DPYD: variants seen among roughly 807,000 people sequenced by gnomAD.
DPYD encodes the protein dihydropyrimidine dehydrogenase [NADP(+)].
Under a neutral mutation model 116.2 loss-of-function variants are expected in DPYD, and 109 were observed. The ratio of observed to expected loss-of-function variants is 0.94; its 90% CI spans 0.80 to 1.10. The LOEUF is 1.10. Ranked by LOEUF, DPYD falls within the 50% of genes least tolerant of loss-of-function variation. The pLI is 0.00. For missense variants in DPYD, 1,302 were observed against 1,254.5 expected, an observed-to-expected ratio of 1.04 and a Z score of -0.57; for synonymous variants, 440 against 432.0, an observed-to-expected ratio of 1.02 and a Z score of -0.23.
intron 20 of DPYD, among the ~76,000 whole-genome samples, chr1:97,181,983 A>T (rs908233126): frequency 1.3e-5 from 2 of 152,094 alleles, no homozygotes; most frequent in Admixed American, 1.3e-4. Flanking sequence ...CTTTACATAA[A>T]TGGAGGATTG....
chr1:97,136,857 A>G (rs761542209), intron 20 of DPYD, among the ~76,000 whole-genome samples: 10 of 152,202 alleles, frequency 6.6e-5, no homozygotes, highest in South Asian at 2.1e-4. Context: ...TTTCAATGCC[A>G]TCCTTGACAC....
chr1:97,460,058 A>G (rs1372898248), intron 13 of DPYD, among the ~76,000 whole-genome samples: 1 of 152,144 alleles, frequency 6.6e-6, no homozygotes, highest in Non-Finnish European at 1.5e-5. Context: ...GTGAAATGAG[A>G]AAAAGGTATT....
chr1:97,314,256 C>T (rs1314157295), intron 16 of DPYD, among the ~76,000 whole-genome samples: 1 of 151,880 alleles, frequency 6.6e-6, no homozygotes, highest in Admixed American at 6.6e-5. Context: ...GACCCTGACC[C>T]TGCCTCAACT....
chr1:97,349,225 C>G (rs1466248995), intron 16 of DPYD, among the ~76,000 whole-genome samples: 1 of 151,348 alleles, frequency 6.6e-6, no homozygotes, highest in Non-Finnish European at 1.5e-5. Flanking sequence ...CATTTCCTGG[C>G]ATAAAATAAG....
chr1:97,866,293 C>T (rs1052615111), intron 2 of DPYD, among the ~76,000 whole-genome samples: 1 of 151,936 alleles, frequency 6.6e-6, no homozygotes, highest in Non-Finnish European at 1.5e-5. Context: ...GCATGGCTTC[C>T]ACAAGACAGC....
chr1:97,566,258 T>C (rs1422190511), intron 11 of DPYD, among the ~76,000 whole-genome samples: 3 of 152,208 alleles, frequency 2.0e-5, no homozygotes, highest in Admixed American at 6.6e-5. Context: ...TTTGCATTTC[T>C]CTTTTCACTA....
chr1:97,799,787 C>T lies in DPYD; in HGVS notation c.233+28327G>A, dbSNP rs180675259. ...TAAATGCAGGTAAAGTATTTTATAC[C>T]TGCAGCATTGAATTGTTCCACTGGA... On this transcript the variant is annotated intron_variant, in intron 3 of 22. Coordinates refer to ENST00000370192, the MANE Select transcript of DPYD (RefSeq NM_000110.4). Among the ~76,000 whole-genome samples, 360 of 151,946 alleles carry T rather than the reference C, an allele frequency of 2.4e-3. 6 individuals carry two copies. Among genetic ancestry groups the T allele is most frequent in the African/African-American group, 8.3e-3 (345 of 41,488 alleles).
At chr1:97,449,986 T>C (rs2101791041) in intron 14 of DPYD, 73 bp downstream of exon 14, 2 of 1,563,458 alleles carry the variant, frequency 1.3e-6, no homozygotes, top group East Asian at 2.2e-5. Context: ...TATAAGCCTA[T>C]GAATTGGATG....
At chr1:97,422,201 T>C (rs964693022) in intron 14 of DPYD, among the ~76,000 whole-genome samples, 1 of 152,178 alleles carries the variant, frequency 6.6e-6, no homozygotes, top group Non-Finnish European at 1.5e-5. Context: ...TTAATATAGG[T>C]AGCAATATTT....
At chr1:97,118,835 T>C (rs1453176475) in intron 20 of DPYD, among the ~76,000 whole-genome samples, 1 of 75,544 alleles carries the variant, frequency 1.3e-5, no homozygotes, top group African/African-American at 4.7e-5. Flanking sequence ...AAAAACTTGT[T>C]TGTTTGTCTT....
chr1:97,594,573 A>C (rs752895815), intron 9 of DPYD, among the ~76,000 whole-genome samples: 10 of 152,178 alleles, frequency 6.6e-5, no homozygotes, highest in Non-Finnish European at 1.5e-4. Flanking sequence ...GACTCTGGTC[A>C]GGCCAAACCA....
chr1:97,576,199 A>G (rs143423547), intron 10 of DPYD, among the ~76,000 whole-genome samples: 163 of 152,328 alleles, frequency 1.1e-3, no homozygotes, highest in Middle Eastern at 0.01. Flanking sequence ...ACTCATCAAT[A>G]TAAACCAGTT....
chr1:97,263,247 GAAGAA>G (rs1664008220), intron 18 of DPYD, among the ~76,000 whole-genome samples: 1 of 152,084 alleles, frequency 6.6e-6, no homozygotes. Context: ...AACAAGAAGA[GAAGAA>G]ATTGCATAGA....
chr1:97,543,025 A>C (rs540965923), intron 12 of DPYD, among the ~76,000 whole-genome samples: 192 of 152,314 alleles, frequency 1.3e-3, no homozygotes, highest in African/African-American at 4.3e-3. Context: ...TATACACAAC[A>C]AATATTCACA....
chr1:97,284,611 A>C (rs1156932231), intron 18 of DPYD, among the ~76,000 whole-genome samples: 1 of 152,076 alleles, frequency 6.6e-6, no homozygotes, highest in African/African-American at 2.4e-5. Context: ...GCATCAAATA[A>C]AAGTTTTAGA....
chr1:97,144,669 T>C (rs971742162), intron 20 of DPYD, among the ~76,000 whole-genome samples: 1 of 152,212 alleles, frequency 6.6e-6, no homozygotes, highest in African/African-American at 2.4e-5. Context: ...TATGACTCCT[T>C]CTTTATACAC....
intron 16 of DPYD, among the ~76,000 whole-genome samples, chr1:97,306,925 C>A (rs12037001): frequency 6.6e-6 from 1 of 151,842 alleles, no homozygotes; most frequent in African/African-American, 2.4e-5. Flanking sequence ...TCAGCACTCA[C>A]AAACTTGACA....
At chr1:97,226,992 A>T (rs1417418457) in intron 19 of DPYD, among the ~76,000 whole-genome samples, 1 of 152,178 alleles carries the variant, frequency 6.6e-6, no homozygotes, top group Admixed American at 6.5e-5. Flanking sequence ...ATACATTCCA[A>T]GAAAATTCGC....
intron 18 of DPYD, among the ~76,000 whole-genome samples, chr1:97,298,506 G>C (rs1017771932): frequency 3.9e-5 from 6 of 152,078 alleles, no homozygotes; most frequent in African/African-American, 1.2e-4. Context: ...ATCCATAAAA[G>C]ACTCATAAAT....
Sources: allele counts gnomAD v4.1 joint callset (sites outside exome capture counted in the v4.1 genomes callset), GRCh38; gene constraint gnomAD v4.1.1; transcripts MANE v1.5; gene names NCBI Gene and HGNC (gene_info 2026-07-23, HGNC 2026-07-21).